Variants in AHNAK2 observed in about 807,000 individuals in gnomAD.
AHNAK2 encodes the protein protein AHNAK2.
Under a neutral mutation model 30.7 loss-of-function variants are expected in AHNAK2, and 18 were observed. The observed-to-expected ratio is 0.59, with a 90% CI of 0.41 to 0.87. The LOEUF (loss-of-function observed/expected upper bound fraction) is 0.87, where lower values mean the gene tolerates loss of function less well. Among genes scored for constraint, AHNAK2 ranks in the 40% least tolerant of loss-of-function variants. The pLI is 0.00. For missense variants in AHNAK2, 8,604 were observed against 7,373.0 expected, an observed-to-expected ratio of 1.17 and a Z score of -6.11; for synonymous variants, 3,590 against 3,073.8, an observed-to-expected ratio of 1.17 and a Z score of -5.56.
At chr14:104,971,784 C>T (rs887793695) in intron 1 of AHNAK2, among the ~76,000 whole-genome samples, 9 of 152,260 alleles carry the variant, frequency 5.9e-5, no homozygotes, top group Non-Finnish European at 1.2e-4. Flanking sequence ...ACGTGTAGCC[C>T]CCCTGGGATC....
rs773302017 is a variant in AHNAK2, at chr14:104,941,761, G to A, written c.13690C>T (p.Pro4564Ser). Reference protein sequence around the residue: ...FKMPKVDLKGPQVDVKGPKLD... With the variant: ...FKMPKVDLKGSQVDVKGPKLD... ...TTGGGGCCCTTGACGTCCACCTGGG[G>A]GCCCTTGAGGTCCACTTTGGGCATC... is the stretch of plus-strand genomic sequence containing the variant. The change falls in exon 7 of 7, where the codon CCC (proline) becomes TCC (serine). Residue 4564 changes from proline (P) to serine (S), a missense_variant. Pro to Ser is a moderately conservative substitution (Grantham distance 74). Coordinates refer to ENST00000333244, the MANE Select transcript of AHNAK2 (RefSeq NM_138420.4). 5.0e-6 allele frequency: 8 copies of A among 1,613,572 alleles called. No individual in the cohort carries two copies. The South Asian group carries it at 8.8e-5, about 18-fold the overall frequency.
Position 104,942,658 on chromosome 14 carries a change from C to G in AHNAK2, c.12793G>C (p.Glu4265Gln). ...GCTCCCGGGGCCTCGACGTCCACCTCCATGCTGGGCAGAGACACCTCCACG... is the reference window on the plus strand; with the variant it reads ...GCTCCCGGGGCCTCGACGTCCACCTGCATGCTGGGCAGAGACACCTCCACG... ...PVVEVSLPSM[E>Q]VDVEAPGAKL... The change falls in exon 7 of 7, where the codon GAG becomes CAG. Residue 4265 changes from glutamate to glutamine, a missense_variant. Transcript: ENST00000333244. 1 of 1,613,572 alleles carries G rather than the reference C, an allele frequency of 6.2e-7. No individual in the cohort carries two copies. Among genetic ancestry groups the G allele is most frequent in the South Asian group, 1.1e-5 (1 of 91,054 alleles).
At position 104,941,888 on chromosome 14, in the gene AHNAK2, C is replaced by G; in HGVS notation, c.13563G>C (p.Glu4521Asp). ...TCAAGTCCACCTGGCCAGCCTGGAC[C>G]TCCAGGTCGGCGGAAGGGGCCTGAA... ...LRIQAPSADL[E>D]VQAGQVDLKL... The change falls in exon 7 of 7, where the codon GAG (glutamate) becomes GAC (aspartate). Residue 4521 changes from glutamate (E) to aspartate (D), a missense_variant. Transcript: ENST00000333244. The G allele has an allele frequency of 1.9e-6, 3 of 1,613,586 alleles. No homozygotes were observed. Among genetic ancestry groups the G allele is most frequent in the African/African-American group, 1.3e-5 (1 of 74,978 alleles).
rs745606954 is a variant in AHNAK2, at chr14:104,940,855, A to G, written c.14596T>C (p.Tyr4866His). The change falls in exon 7 of 7, where the codon TAT becomes CAT. Residue 4866 changes from tyrosine (Y) to histidine (H), a missense_variant. Physicochemically the swap from Tyr to His is moderately conservative, Grantham distance 83 (BLOSUM62 2). Transcript: ENST00000333244. The surrounding 1 kb of genome is among the most constrained non-coding windows in gnomAD (Gnocchi z 4.4). The stretch of plus-strand genomic sequence containing the variant: ...ACTGAAAACACAAACTTTGGTTTAT[A>G]GAATTTAGGAAAAGATACCTGACCA... The part of the protein sequence containing the change: ...SLGQVSFPKF[Y>H]KPKFVFSVPQ... 6.2e-7 allele frequency: 1 copy of G among 1,613,132 alleles called. No homozygotes were observed. Among genetic ancestry groups the G allele is most frequent in the Non-Finnish European group, 8.5e-7 (1 of 1,179,834 alleles).
At position 104,953,592 on chromosome 14, in the gene AHNAK2, G is replaced by C; in HGVS notation, c.1859C>G (p.Thr620Arg). 6.2e-7 allele frequency: 1 copy of C among 1,613,942 alleles called. No homozygotes were observed. The highest frequency in any genetic ancestry group is 8.5e-7 in the Non-Finnish European group (1 of 1,179,888). The change falls in exon 7 of 7, where the codon ACA (threonine) becomes AGA (arginine). Residue 620 changes from threonine to arginine, a missense_variant. By Grantham distance (71) the Thr-to-Arg change is moderately conservative (BLOSUM62 -1). Transcript: ENST00000333244. ...EQGREGEATA[T>R]ADRREQRRTE... ...GCGTCTCTGTTCTCTTCTATCAGCT[G>C]TTGCTGTGGCCTCTCCTTCCCTTCC...
Position 104,948,567 on chromosome 14 carries a change from A to G in AHNAK2, c.6884T>C (p.Leu2295Pro). ...GTCCCCCTCCAGCCGCGCACCATCC[A>G]GCTTGGCTCCTGGGGCCTTGACGTC... Reference protein sequence around the residue: ...EVDVKAPGAKLDGARLEGDMS... With the variant: ...EVDVKAPGAKPDGARLEGDMS... The change falls in exon 7 of 7, where the codon CTG (leucine) becomes CCG (proline). Residue 2295 changes from leucine to proline, a missense_variant. Transcript: ENST00000333244. 6.2e-7 allele frequency: 1 copy of G among 1,612,434 alleles called. No homozygotes were observed.
At position 104,950,876 on chromosome 14, in the gene AHNAK2, G is replaced by A. The variant is rs184838071; in HGVS notation, c.4575C>T (p.Ala1525=). 1.5e-3 allele frequency: 2,324 copies of A among 1,576,924 alleles called. 214 individuals carry two copies. The highest frequency in any genetic ancestry group is 6.2e-3 in the Middle Eastern group (37 of 5,984). ...SVDVSAPKVE[A]DVSLPSMQGD... ...CCTGCATGGAGGGGAGGCTCACGTC[G>A]GCCTCCACCTTCGGCGCAGACACAT... The change falls in exon 7 of 7, where the codon GCC becomes GCT. Residue 1525 remains alanine (A), a synonymous_variant. Transcript: ENST00000333244.
rs1318597602 is a variant in AHNAK2, at chr14:104,954,199, T to C, written c.1252A>G (p.Arg418Gly). 1 of 1,610,266 alleles carries C rather than the reference T, an allele frequency of 6.2e-7. No homozygotes were observed. Among genetic ancestry groups the C allele is most frequent in the Non-Finnish European group, 8.5e-7 (1 of 1,179,722 alleles). Residue 418 changes from arginine (R) to glycine (G), a missense_variant, in exon 7 of 7, where the codon AGG (arginine) becomes GGG (glycine). By Grantham distance (125) the Arg-to-Gly change is moderately radical. Coordinates refer to ENST00000333244, the MANE Select transcript of AHNAK2 (RefSeq NM_138420.4). This position sits in a 1 kb window ranked among gnomAD's most constrained non-coding sequence, Gnocchi z 4.3. The stretch of plus-strand genomic sequence containing the variant: ...CCCTCCAGGGTCTTTCCATGGAGCC[T>C]GGCTGCCCTGAGTCCCCCTTCCTGA... ...TPQEGGLRAARLHGKTLEGQA... is the reference protein window; with the variant it reads ...TPQEGGLRAAGLHGKTLEGQA...
Position 104,955,497 on chromosome 14 carries a change from A to T in AHNAK2, c.452T>A (p.Phe151Tyr). ...VLKDSSAAKL[F>Y]NLREGDQLLS... ...TGCCATGGCACCTTCTCTCAAGTTA[A>T]AAAGCTTGGCGGCTGAGGAGTCCTT... The change falls in exon 5 of 7, where the codon TTT (phenylalanine) becomes TAT (tyrosine). Residue 151 changes from phenylalanine to tyrosine, a missense_variant. Coordinates refer to ENST00000333244, the MANE Select transcript of AHNAK2 (RefSeq NM_138420.4). 1 of 1,613,168 alleles carries T rather than the reference A, an allele frequency of 6.2e-7. No individual in the cohort carries two copies. Among genetic ancestry groups the T allele is most frequent in the Non-Finnish European group, 8.5e-7 (1 of 1,179,636 alleles).
At chr14:104,960,433 G>T (rs754254902) in intron 1 of AHNAK2, among the ~76,000 whole-genome samples, 14 of 152,160 alleles carry the variant, frequency 9.2e-5, no homozygotes, top group Non-Finnish European at 1.6e-4. Context: ...ATCTAGAGAT[G>T]ATTTAAAGTA....
At position 104,943,111 on chromosome 14, in the gene AHNAK2, G is replaced by A. The variant is rs745388333; in HGVS notation, c.12340C>T (p.Gln4114Ter). The part of the protein sequence containing the change: ...QAPRAKLDGV[Q>*]LEGDLSLADK... The stretch of plus-strand genomic sequence containing the variant: ...GCCAGGGACAGGTCCCCCTCCAGCT[G>A]CACACCATCCAGCTTTGCTCTCGGG... Residue 4114 changes from glutamine (Q) to a stop codon, truncating the protein, a stop_gained, in exon 7 of 7, where the codon CAG becomes TAG. Transcript: ENST00000333244. LOFTEE classifies it low-confidence loss of function (END_TRUNC). The A allele has an allele frequency of 6.2e-7, 1 of 1,613,112 alleles. No individual in the cohort carries two copies. Among genetic ancestry groups the A allele is most frequent in the South Asian group, 1.1e-5 (1 of 91,044 alleles).
intron 1 of AHNAK2, among the ~76,000 whole-genome samples, chr14:104,960,172 A>T (rs1899095408): frequency 6.6e-6 from 1 of 152,270 alleles, no homozygotes; most frequent in Admixed American, 6.5e-5. Flanking sequence ...TGTTAGGATT[A>T]TAACATATAT....
chr14:104,965,395 C>G (rs1338848428), intron 1 of AHNAK2, among the ~76,000 whole-genome samples: 1 of 97,298 alleles, frequency 1.0e-5, no homozygotes, highest in Non-Finnish European at 2.1e-5. Flanking sequence ...AAGCAAAACT[C>G]TGTCTCAAAA....
rs768364692 is a variant in AHNAK2, at chr14:104,949,737, T to C, written c.5714A>G (p.His1905Arg). The C allele has an allele frequency of 6.3e-7, 1 of 1,587,592 alleles. No homozygotes were observed. The highest frequency in any genetic ancestry group is 8.6e-7 in the Non-Finnish European group (1 of 1,163,052). ...QVPEGAGLKGHLPKVDMPSFK... is the reference protein window; with the variant it reads ...QVPEGAGLKGRLPKVDMPSFK... ...ACTGGGCATATCCACCTTGGGCAAGTGCCCTTTGAGGCCGGCTCCCTCGGG... is the reference window on the plus strand; with the variant it reads ...ACTGGGCATATCCACCTTGGGCAAGCGCCCTTTGAGGCCGGCTCCCTCGGG... The change falls in exon 7 of 7, where the codon CAC becomes CGC. Residue 1905 changes from histidine (H) to arginine (R), a missense_variant. By Grantham distance (29) the His-to-Arg change is conservative. Coordinates refer to ENST00000333244, the MANE Select transcript of AHNAK2 (RefSeq NM_138420.4).
intron 5 of AHNAK2, 96 bp downstream of exon 5, chr14:104,955,387 C>T: frequency 1.3e-6 from 2 of 1,490,696 alleles, no homozygotes; most frequent in Middle Eastern, 1.8e-4. Context: ...TCATCCTAAG[C>T]TCCAGGTGTG....
intron 1 of AHNAK2, among the ~76,000 whole-genome samples, chr14:104,964,287 G>C (rs1271186972): frequency 1.3e-5 from 2 of 152,170 alleles, no homozygotes; most frequent in Admixed American, 6.5e-5. Context: ...AAACCACGAG[G>C]TGCCATATGC....
chr14:104,944,039 T>A lies in AHNAK2; in HGVS notation c.11412A>T (p.Lys3804Asn). 1.9e-6 allele frequency: 3 copies of A among 1,612,636 alleles called. No individual in the cohort carries two copies. Among genetic ancestry groups the A allele is most frequent in the African/African-American group, 2.7e-5 (2 of 74,688 alleles). ...ATGACGGCATCTTGAACTTGGGCAT[T>A]TTGAATTTGCTGTCTTTGGCAGTCA... ...KDVTAKDSKF[K>N]MPKFKMPSFG... Residue 3804 changes from lysine to asparagine, a missense_variant, in exon 7 of 7, where the codon AAA (lysine) becomes AAT (asparagine). Physicochemically the swap from Lys to Asn is moderately conservative, Grantham distance 94. Transcript: ENST00000333244.
In AHNAK2 at chr14:104,970,433, A is replaced by G. The variant is rs112073597; in HGVS notation, c.55+7750T>C. On this transcript the variant is annotated intron_variant, in intron 1 of 6. Coordinates refer to ENST00000333244, the MANE Select transcript of AHNAK2 (RefSeq NM_138420.4). ...AAGAGTGAGGCAAGCAGGTGTCCGG[A>G]CATGGACACAGGAGCCACTTACCAA... The G allele has an allele frequency of 5.0e-3, 4,974 of 985,448 alleles. 188 individuals are homozygous for G. In the African/African-American group the frequency reaches 0.079, roughly 16 times the overall value. The allele number at this position is 985,448 out of a possible 1,614,324, so 61.0% of individuals were successfully genotyped here.
At position 104,953,289 on chromosome 14, in the gene AHNAK2, G is replaced by T. The variant is rs1898854700; in HGVS notation, c.2162C>A (p.Thr721Asn). 1 of 1,612,742 alleles carries T rather than the reference G, an allele frequency of 6.2e-7. No individual in the cohort carries two copies. Among genetic ancestry groups the T allele is most frequent in the Non-Finnish European group, 8.5e-7 (1 of 1,179,670 alleles). The change falls in exon 7 of 7, where the codon ACT becomes AAT. Residue 721 changes from threonine (T) to asparagine (N), a missense_variant. Coordinates refer to ENST00000333244, the MANE Select transcript of AHNAK2 (RefSeq NM_138420.4). ...GGAAGGGGTCTGGACGCTGAGGTCA[G>T]TGGTCTTGAGGTCCCCCTGCATGGA... is the stretch of plus-strand genomic sequence containing the variant. ...LLSMQGDLKT[T>N]DLSVQTPSAD...
Sources: allele counts gnomAD v4.1 joint callset (sites outside exome capture counted in the v4.1 genomes callset), GRCh38; gene constraint gnomAD v4.1.1; non-coding constraint Gnocchi (gnomAD v3.1); transcripts MANE v1.5; gene names NCBI Gene and HGNC (gene_info 2026-07-23, HGNC 2026-07-21).